FAHD1: variants seen among roughly 807,000 people sequenced by gnomAD.
The protein encoded by FAHD1 is oxaloacetate tautomerase FAHD1, mitochondrial.
A neutral mutation model predicts 12.7 loss-of-function variants in FAHD1; 14 were observed. The observed-to-expected ratio is 1.10, with a 90% CI of 0.73 to 1.72. The LOEUF is 1.72. FAHD1 is among the 40% of genes most tolerant of loss of function. FAHD1 has a pLI of 0.00. For missense variants in FAHD1, 351 were observed against 298.9 expected, an observed-to-expected ratio of 1.17 and a Z score of -1.29; for synonymous variants, 153 against 124.9, an observed-to-expected ratio of 1.22 and a Z score of -1.50.
downstream of FAHD1, among the ~76,000 whole-genome samples, chr16:1,829,232 G>A (rs1051460122): frequency 6.6e-6 from 1 of 152,186 alleles, no homozygotes; most frequent in African/African-American, 2.4e-5. Context: ...TCATCTGCTG[G>A]CCCCTGAAGA....
intron 1 of FAHD1, chr16:1,837,942 GAAAC>G: frequency 6.9e-7 from 1 of 1,452,042 alleles, no homozygotes; most frequent in Non-Finnish European, 9.1e-7. Context: ...ACAACAGTGT[GAAAC>G]AAACTTTCTC....
At chr16:1,838,701 T>A (rs75468534) in intron 2 of FAHD1, among the ~76,000 whole-genome samples, 1 of 152,100 alleles carries the variant, frequency 6.6e-6, no homozygotes, top group Non-Finnish European at 1.5e-5. Flanking sequence ...GTTTTTTTTT[T>A]AATTATTTGG....
downstream of FAHD1, among the ~76,000 whole-genome samples, chr16:1,832,655 C>A (rs950346090): frequency 2.6e-5 from 4 of 152,096 alleles, no homozygotes; most frequent in African/African-American, 9.7e-5. Context: ...AGTAAGGTGG[C>A]TTCTCCTGAG....
At position 1,828,764 on chromosome 16, in the gene FAHD1, T is replaced by A. The variant is rs540914406; in HGVS notation, c.*860T>A. 5.0e-6 allele frequency: 5 copies of A among 990,446 alleles called. No homozygotes were observed. The African/African-American group carries it at 8.8e-5, about 17-fold the overall frequency. 61.4% of individuals were successfully genotyped at this position (990,446 alleles called of 1,614,324 possible). ...ATGTGAAAAACACTCCTGTACATAATCGGTTAATTTAAAATTTTACTTAAT... is the reference window on the plus strand; with the variant it reads ...ATGTGAAAAACACTCCTGTACATAAACGGTTAATTTAAAATTTTACTTAAT... On this transcript the variant is annotated 3_prime_UTR_variant, in exon 1 of 1. Coordinates refer to ENST00000427358, the Ensembl canonical transcript of FAHD1.
At chr16:1,839,536 G>C in exon 3 of FAHD1, 1 of 1,159,030 alleles carries the variant, frequency 8.6e-7, no homozygotes, top group African/African-American at 1.6e-5. Flanking sequence ...CTACGACAGT[G>C]TGTGGAAAAC....
At chr16:1,831,446 G>A (rs545345753), downstream of FAHD1, among the ~76,000 whole-genome samples, 57 of 152,266 alleles carry the variant, frequency 3.7e-4, no homozygotes, top group African/African-American at 1.3e-3. Flanking sequence ...GCTCTGGAGC[G>A]AGGAGTCTGT....
At chr16:1,831,713 CAGT>C (rs1280808981), downstream of FAHD1, among the ~76,000 whole-genome samples, 7 of 152,188 alleles carry the variant, frequency 4.6e-5, no homozygotes, top group African/African-American at 1.7e-4. Context: ...CGGAGCCACA[CAGT>C]AGGAGGCAAG....
chr16:1,832,309 T>A (rs11647837), downstream of FAHD1, among the ~76,000 whole-genome samples: 25,676 of 148,204 alleles, frequency 0.17, 2,365 homozygotes, highest in South Asian at 0.26. Context: ...TAGCTGGGAC[T>A]ACAGGCGCCC....
downstream of FAHD1, among the ~76,000 whole-genome samples, chr16:1,829,702 C>A (rs994430725): frequency 3.9e-5 from 6 of 152,208 alleles, no homozygotes; most frequent in African/African-American, 1.4e-4. Context: ...ACAGAAGAGT[C>A]AGAAAATAGA....
At chr16:1,836,676 A>G (rs977485123) in intron 1 of FAHD1, among the ~76,000 whole-genome samples, 3 of 151,494 alleles carry the variant, frequency 2.0e-5, no homozygotes, top group African/African-American at 7.3e-5. Flanking sequence ...AAATGGGAAA[A>G]CCTGCTTATG....
chr16:1,830,944 A>ACC (rs145619324), downstream of FAHD1, among the ~76,000 whole-genome samples: 53 of 147,282 alleles, frequency 3.6e-4, no homozygotes, highest in Middle Eastern at 3.4e-3. Context: ...ACACACACAC[A>ACC]CCCATATTTT....
downstream of FAHD1, among the ~76,000 whole-genome samples, chr16:1,832,644 G>A (rs1277473452): frequency 1.3e-5 from 2 of 152,132 alleles, no homozygotes; most frequent in African/African-American, 2.4e-5. Context: ...AAAATTAACC[G>A]AGTAAGGTGG....
At chr16:1,838,016 A>C (rs1185014169) in exon 2 of FAHD1, 1 of 1,416,418 alleles carries the variant, frequency 7.1e-7, no homozygotes, top group Admixed American at 2.8e-5. Context: ...TTGTTTGTAG[A>C]GACAGGGTCT....
downstream of FAHD1, among the ~76,000 whole-genome samples, chr16:1,829,271 C>T (rs1017154176): frequency 5.3e-5 from 8 of 152,162 alleles, no homozygotes; most frequent in African/African-American, 1.7e-4. Context: ...TGAGTAGTAA[C>T]GGTCCCCATG....
intron 2 of FAHD1, chr16:1,838,210 G>T (rs147632019): frequency 4.6e-6 from 2 of 438,084 alleles, no homozygotes; most frequent in African/African-American, 2.0e-5. Context: ...ATGTTGCCCA[G>T]GGTGATCTTG....
chr16:1,832,683 C>T (rs1199221132), downstream of FAHD1, among the ~76,000 whole-genome samples: 1 of 152,064 alleles, frequency 6.6e-6, no homozygotes, highest in African/African-American at 2.4e-5. Flanking sequence ...ACACGGGGCT[C>T]AGTGGAGGGG....
At chr16:1,832,719 A>G (rs1001632023), downstream of FAHD1, among the ~76,000 whole-genome samples, 1 of 151,960 alleles carries the variant, frequency 6.6e-6, no homozygotes, top group African/African-American at 2.4e-5. Context: ...TTGCTGAACC[A>G]ACAGTGGGAG....
At chr16:1,831,742 G>A (rs113988871), downstream of FAHD1, among the ~76,000 whole-genome samples, 12 of 152,210 alleles carry the variant, frequency 7.9e-5, no homozygotes, top group East Asian at 5.8e-4. Flanking sequence ...ATTCCCGCCC[G>A]AGTTCTGCTT....
chr16:1,828,671 C>G (rs1473995279), exon 1 of FAHD1: 26 of 934,202 alleles, frequency 2.8e-5, no homozygotes, highest in Non-Finnish European at 3.4e-5. Context: ...CTTGCTGAAT[C>G]AATTTGATAG....
Sources: gnomAD v4.1 joint callset for allele counts (sites outside exome capture counted in the v4.1 genomes callset) on GRCh38, gnomAD v4.1.1 for gene constraint, MANE v1.5 for transcripts, NCBI Gene and HGNC (gene_info 2026-07-23, HGNC 2026-07-21) for gene names.